Variants in PIBF1 observed in about 807,000 individuals in gnomAD.
PIBF1 encodes progesterone-induced-blocking factor 1.
PIBF1 carries 90 observed loss-of-function variants against 112.5 expected under a neutral mutation model. The observed-to-expected ratio is 0.80, with a 90% CI of 0.67 to 0.95. The LOEUF (loss-of-function observed/expected upper bound fraction) is 0.95, where lower values mean the gene tolerates loss of function less well. Among genes scored for constraint, PIBF1 ranks in the 40% least tolerant of loss-of-function variants. The pLI, the probability that PIBF1 is intolerant of heterozygous loss-of-function variation, is 0.00. For synonymous variants in PIBF1, 301 were observed against 288.6 expected, an observed-to-expected ratio of 1.04 and a Z score of -0.44; for missense variants, 915 against 852.3, an observed-to-expected ratio of 1.07 and a Z score of -0.92.
intron 16 of PIBF1, among the ~76,000 whole-genome samples, chr13:72,990,520 C>CAAATAAATTAATTAATTAA (rs1204552369): frequency 7.4e-6 from 1 of 135,798 alleles, no homozygotes; most frequent in Non-Finnish European, 1.5e-5. Context: ...GACTCCATCT[C>CAAATAAATTAATTAATTAA]TCCATCTCAA....
At chr13:73,013,113 A>G (rs1024547570) in intron 17 of PIBF1, among the ~76,000 whole-genome samples, 5 of 151,576 alleles carry the variant, frequency 3.3e-5, no homozygotes, top group African/African-American at 1.2e-4. Context: ...CATCCTGGCT[A>G]ACACGGTGAA....
chr13:72,825,369 T>C (rs1025327479), intron 6 of PIBF1, among the ~76,000 whole-genome samples: 2 of 152,242 alleles, frequency 1.3e-5, no homozygotes, highest in Non-Finnish European at 2.9e-5. Context: ...ACCTAATGTC[T>C]CAGTTGAGGA....
intron 10 of PIBF1, among the ~76,000 whole-genome samples, chr13:72,870,368 A>G (rs1003790290): frequency 1.3e-5 from 2 of 152,218 alleles, no homozygotes; most frequent in African/African-American, 4.8e-5. Context: ...TCAAAAGGCA[A>G]AAGAGAAACG....
chr13:72,869,409 TG>T (rs534517081), intron 10 of PIBF1, among the ~76,000 whole-genome samples: 82 of 132,836 alleles, frequency 6.2e-4, no homozygotes, highest in African/African-American at 2.3e-3. Flanking sequence ...GGATGGGAAT[TG>T]AACAATGAGA....
chr13:72,880,148 C>T (rs2039566901), intron 10 of PIBF1, among the ~76,000 whole-genome samples: 1 of 152,176 alleles, frequency 6.6e-6, no homozygotes, highest in South Asian at 2.1e-4. Context: ...GCATATCTTT[C>T]CCATGCATCT....
intron 10 of PIBF1, among the ~76,000 whole-genome samples, chr13:72,886,618 T>G (rs1158087314): frequency 6.6e-6 from 1 of 152,056 alleles, no homozygotes; most frequent in African/African-American, 2.4e-5. Flanking sequence ...TACATGTTGT[T>G]TATTTTATTA....
intron 13 of PIBF1, among the ~76,000 whole-genome samples, chr13:72,930,923 G>C (rs529741828): frequency 5.3e-5 from 8 of 152,232 alleles, no homozygotes; most frequent in African/African-American, 1.9e-4. Flanking sequence ...GCTAAAAACC[G>C]TTACTGCAGT....
chr13:72,934,137 T>C (rs1380168031), intron 14 of PIBF1, among the ~76,000 whole-genome samples: 3 of 152,168 alleles, frequency 2.0e-5, no homozygotes, highest in Non-Finnish European at 2.9e-5. Flanking sequence ...GACTTTACTT[T>C]TTTCTGCTTT....
chr13:72,854,210 A>G lies in PIBF1; in HGVS notation c.1322+55A>G, dbSNP rs2038307918. 6.3e-6 allele frequency: 7 copies of G among 1,116,208 alleles called. No individual in the cohort carries two copies. In the Admixed American group the frequency reaches 1.1e-4, roughly 18 times the overall value. The allele number at this position is 1,116,208 out of a possible 1,614,324, so 69.1% of individuals were successfully genotyped here. A position where few individuals can be genotyped will look rare whatever the true frequency, so the allele number is the denominator to read the frequency against. The stretch of plus-strand genomic sequence containing the variant: ...ACTCTTCCATTATTGTTTCTGTTAC[A>G]TATTCTTTTAGAAAATGTATTTTAA... On this transcript the variant is annotated intron_variant, in intron 10 of 17. Transcript: ENST00000326291.
intron 5 of PIBF1, among the ~76,000 whole-genome samples, chr13:72,821,214 G>A (rs1480238545): frequency 6.6e-6 from 1 of 152,160 alleles, no homozygotes; most frequent in African/African-American, 2.4e-5. Context: ...GTAGGAAGCA[G>A]CACCAGATTG....
intron 16 of PIBF1, 85 bp downstream of exon 16, chr13:72,973,760 G>A: frequency 1.4e-6 from 1 of 729,694 alleles, no homozygotes. Context: ...GATCCCAGTT[G>A]TGCATGTTCA....
intron 11 of PIBF1, among the ~76,000 whole-genome samples, chr13:72,898,874 A>G (rs1476666106): frequency 6.6e-6 from 1 of 151,524 alleles, no homozygotes; most frequent in Non-Finnish European, 1.5e-5. Context: ...AAATTGATAG[A>G]CCATTAACAA....
At chr13:72,844,791 A>ACACACG (rs2037791421) in intron 9 of PIBF1, among the ~76,000 whole-genome samples, 8 of 131,128 alleles carry the variant, frequency 6.1e-5, no homozygotes, top group African/African-American at 2.3e-4. Context: ...ACACACACAC[A>ACACACG]CACACACACG....
chr13:72,821,233 C>T (rs1391405263), intron 5 of PIBF1, among the ~76,000 whole-genome samples: 5 of 152,128 alleles, frequency 3.3e-5, no homozygotes, highest in Admixed American at 2.6e-4. Flanking sequence ...TGTAAAGAAC[C>T]TTGTGACCAA....
At chr13:72,845,891 A>T (rs777567918) in intron 9 of PIBF1, among the ~76,000 whole-genome samples, 2 of 152,066 alleles carry the variant, frequency 1.3e-5, no homozygotes, top group Admixed American at 6.6e-5. Flanking sequence ...AGCCCCTAAG[A>T]CCTTCATGTT....
At chr13:72,849,180 AAAC>A in intron 9 of PIBF1, among the ~76,000 whole-genome samples, 1 of 152,254 alleles carries the variant, frequency 6.6e-6, no homozygotes, top group Non-Finnish European at 1.5e-5. Context: ...AATTGCTAGG[AAAC>A]AACATGAAAG....
Position 73,009,620 on chromosome 13 carries a change from G to A in PIBF1, c.2224-6249G>A, listed in dbSNP as rs7334819. Among the ~76,000 whole-genome samples the A allele has an allele frequency of 2.0e-3, 298 of 152,338 alleles. 1 individual carries two copies. Among genetic ancestry groups the A allele is most frequent in the African/African-American group, 6.5e-3 (271 of 41,582 alleles). On this transcript the variant is annotated intron_variant, in intron 17 of 17. Transcript: ENST00000326291. Reference sequence around the variant, plus strand: ...AAGGGGCCAGTCTTCTAAGTGAAATGTGGTTAGAACATGACAGTGATGGTG... The same window carrying A: ...AAGGGGCCAGTCTTCTAAGTGAAATATGGTTAGAACATGACAGTGATGGTG...
intron 5 of PIBF1, among the ~76,000 whole-genome samples, chr13:72,819,767 C>G (rs147420490): frequency 6.6e-6 from 1 of 151,916 alleles, no homozygotes; most frequent in African/African-American, 2.4e-5. Flanking sequence ...CTGCCCCTAC[C>G]GCTAAATACT....
chr13:72,829,022 T>C (rs2036968581), intron 8 of PIBF1, among the ~76,000 whole-genome samples: 1 of 152,214 alleles, frequency 6.6e-6, no homozygotes, highest in African/African-American at 2.4e-5. Flanking sequence ...TTGCATTTCT[T>C]TAATGACCAG....
Sources: gnomAD v4.1 joint callset for allele counts (sites outside exome capture counted in the v4.1 genomes callset) on GRCh38, gnomAD v4.1.1 for gene constraint, MANE v1.5 for transcripts, NCBI Gene and HGNC (gene_info 2026-07-23, HGNC 2026-07-21) for gene names.